The following CDH7 variants were observed in gnomAD, a reference collection of about 807,000 sequenced individuals.
The protein encoded by CDH7 is cadherin 7, also known as cadherin-7.
CDH7 carries 25 observed loss-of-function variants against 71.8 expected under a neutral mutation model. That is an observed-to-expected ratio of 0.35 (90% CI 0.25 to 0.49). The LOEUF (loss-of-function observed/expected upper bound fraction) is 0.49, where lower values mean the gene tolerates loss of function less well. Ranked by LOEUF, CDH7 falls within the 20% of genes least tolerant of loss-of-function variation. The pLI, the probability that CDH7 is intolerant of heterozygous loss-of-function variation, is 0.99. For synonymous variants in CDH7, 381 were observed against 363.8 expected (o/e 1.05, Z -0.54); for missense variants, 862 against 974.6 (o/e 0.88, Z 1.54).
intron 2 of CDH7, among the ~76,000 whole-genome samples, chr18:65,781,898 C>CTCTCTCTCTCTCTCTTTCTTTCTCTCTT (rs1431797468): frequency 1.7e-5 from 1 of 58,580 alleles, no homozygotes; most frequent in African/African-American, 1.0e-4. Context: ...CTCTCTTTCT[C>CTCTCTCTCTCTCTCTTTCTTTCTCTCTT]TCTATCTTTC....
rs968931060 is a variant in CDH7 at position 65,883,358 on chromosome 18, T to G, written c.*2464T>G. 2 of 152,040 alleles carry G rather than the reference T, an allele frequency of 1.3e-5. No homozygotes were observed. Among genetic ancestry groups the G allele is most frequent in the Non-Finnish European group, 2.9e-5 (2 of 67,946 alleles). 9.4% of individuals were successfully genotyped at this position (152,040 alleles called of 1,614,324 possible). ...GTAAATTTTTTGCCGTTGCTTATTT[T>G]AGTTTTCTTTTTTCTTCTGAAATCT... On this transcript the variant is annotated 3_prime_UTR_variant, in exon 12 of 12. Coordinates refer to ENST00000397968, the MANE Select transcript of CDH7 (RefSeq NM_004361.5).
intron 6 of CDH7, among the ~76,000 whole-genome samples, chr18:65,842,510 G>A (rs1044926010): frequency 1.3e-5 from 2 of 151,524 alleles, no homozygotes; most frequent in Non-Finnish European, 2.9e-5. Flanking sequence ...TATATATAAT[G>A]TGTATATGTG....
At chr18:65,799,599 C>T (rs141605707) in intron 2 of CDH7, among the ~76,000 whole-genome samples, 1 of 151,988 alleles carries the variant, frequency 6.6e-6, no homozygotes, top group African/African-American at 2.4e-5. Context: ...TGACGTGAAC[C>T]CAGGAGGCGG....
intron 7 of CDH7, 70 bp downstream of exon 7, chr18:65,844,135 A>G (rs547714001): frequency 3.3e-5 from 43 of 1,297,930 alleles, no homozygotes; most frequent in Non-Finnish European, 4.2e-5. Flanking sequence ...CTCTTATTTT[A>G]CGCTCTGATG....
chr18:65,814,784 T>G (rs1171449935), intron 4 of CDH7, among the ~76,000 whole-genome samples, 180 bp downstream of exon 4: 1 of 152,188 alleles, frequency 6.6e-6, no homozygotes, highest in Non-Finnish European at 1.5e-5. Context: ...ATATTTTATT[T>G]TATTCATCAG....
In CDH7 at chr18:65,822,246, G is replaced by A. The variant is rs767686297; in HGVS notation, c.791G>A (p.Arg264Gln). 31 of 1,603,376 alleles carry A rather than the reference G, an allele frequency of 1.9e-5. No homozygotes were observed. Among genetic ancestry groups the A allele is most frequent in the East Asian group, 6.7e-5 (3 of 44,596 alleles). ...AACGATAATCCACCTCGCTTTCCTCGAAGTAAGTTGTTTTCTTAAGTGACA... is the reference window on the plus strand; with the variant it reads ...AACGATAATCCACCTCGCTTTCCTCAAAGTAAGTTGTTTTCTTAAGTGACA... ...DVNDNPPRFP[R>Q]RSYQYNVPES... Residue 264 changes from arginine (R) to glutamine (Q), a missense_variant and splice_region_variant, in exon 5 of 12, where the codon CGA (arginine) becomes CAA (glutamine). Physicochemically the swap from Arg to Gln is conservative, Grantham distance 43. Coordinates refer to ENST00000397968, the MANE Select transcript of CDH7 (RefSeq NM_004361.5).
Position 65,782,154 on chromosome 18 carries a change from C to CT in CDH7, c.210+19105dup, listed in dbSNP as rs1459610651. On this transcript the variant is annotated intron_variant, in intron 2 of 11. Coordinates refer to ENST00000397968, the MANE Select transcript of CDH7 (RefSeq NM_004361.5). ...TCTTTCTTTCTTTCTTTCTTTCTTT[C>CT]TTTCTTTCTTCCTTTCTTTCTTTCT... Among the ~76,000 whole-genome samples the CT allele has an allele frequency of 1.0e-4, 11 of 108,238 alleles. 2 individuals carry two copies. Among genetic ancestry groups the CT allele is most frequent in the African/African-American group, 4.6e-4 (10 of 21,662 alleles). 71.0% of individuals were successfully genotyped at this position (108,238 alleles called of 152,430 possible).
At chr18:65,775,464 AT>A (rs992536966) in intron 2 of CDH7, among the ~76,000 whole-genome samples, 7 of 152,302 alleles carry the variant, frequency 4.6e-5, no homozygotes, top group Admixed American at 1.3e-4. Flanking sequence ...AGTGGTACAT[AT>A]TTTTATTTTG....
chr18:65,807,339 C>G (rs1478351608), intron 2 of CDH7, among the ~76,000 whole-genome samples: 1 of 152,100 alleles, frequency 6.6e-6, no homozygotes, highest in Non-Finnish European at 1.5e-5. Context: ...TTTTGTCTCT[C>G]ATACTTGGAA....
chr18:65,884,135 T>A lies in CDH7; in HGVS notation c.*3241T>A, dbSNP rs577884791. ...ACACCCAAGCCCTTAATCTGAATTG[T>A]CACCATTGCATTATTAAAAATCAAC... On this transcript the variant is annotated 3_prime_UTR_variant, in exon 12 of 12. Transcript: ENST00000397968. 3 of 152,246 alleles carry A rather than the reference T, an allele frequency of 2.0e-5. No homozygotes were observed. In the South Asian group the frequency reaches 6.2e-4, roughly 32 times the overall value. 9.4% of individuals were successfully genotyped at this position (152,246 alleles called of 1,614,324 possible). A position where few individuals can be genotyped will look rare whatever the true frequency, so the allele number is the denominator to read the frequency against.
chr18:65,843,280 G>A (rs1912803149), intron 6 of CDH7, among the ~76,000 whole-genome samples: 1 of 152,114 alleles, frequency 6.6e-6, no homozygotes, highest in Non-Finnish European at 1.5e-5. Flanking sequence ...GCTTCATGGA[G>A]AAGAACTGGC....
At chr18:65,849,314 A>G (rs1267500331) in intron 7 of CDH7, among the ~76,000 whole-genome samples, 7 of 151,224 alleles carry the variant, frequency 4.6e-5, no homozygotes, top group Non-Finnish European at 1.0e-4. Flanking sequence ...TTTGCAGGAA[A>G]TGCCTAATTT....
intron 5 of CDH7, 91 bp from the exon 6 acceptor site, chr18:65,824,550 AGTT>A (rs1325114684): frequency 8.5e-6 from 6 of 705,670 alleles, no homozygotes; most frequent in South Asian, 3.5e-5. Context: ...AATAAAAAGA[AGTT>A]GTGCTACAAT....
At chr18:65,852,339 G>A (rs567240389) in intron 7 of CDH7, among the ~76,000 whole-genome samples, 6 of 152,232 alleles carry the variant, frequency 3.9e-5, no homozygotes, top group East Asian at 1.9e-4. Flanking sequence ...ATATGCTTGC[G>A]TTAGTTAGAA....
chr18:65,801,931 C>G (rs1043473637), intron 2 of CDH7, among the ~76,000 whole-genome samples: 5 of 152,154 alleles, frequency 3.3e-5, no homozygotes, highest in African/African-American at 1.2e-4. Flanking sequence ...TTTGCAAACA[C>G]CTTATGCTAT....
At chr18:65,821,342 G>A (rs1162622842) in intron 4 of CDH7, among the ~76,000 whole-genome samples, 1 of 151,842 alleles carries the variant, frequency 6.6e-6, no homozygotes, top group Non-Finnish European at 1.5e-5. Context: ...TTACCACCTG[G>A]ACCTAATTTG....
chr18:65,855,338 C>A (rs1913314141), intron 7 of CDH7, among the ~76,000 whole-genome samples: 2 of 125,994 alleles, frequency 1.6e-5, no homozygotes, highest in African/African-American at 2.6e-5. Context: ...AAACGTCTAC[C>A]AACATTGACA....
chr18:65,817,744 T>C (rs908228212), intron 4 of CDH7, among the ~76,000 whole-genome samples: 2 of 152,218 alleles, frequency 1.3e-5, no homozygotes, highest in African/African-American at 4.8e-5. Context: ...TTTGATTTAC[T>C]GATAAATGTC....
chr18:65,858,237 G>GC (rs1913434553), intron 8 of CDH7, among the ~76,000 whole-genome samples: 1 of 151,942 alleles, frequency 6.6e-6, no homozygotes, highest in South Asian at 2.1e-4. Flanking sequence ...TGTTTATGCT[G>GC]TTATGGAGTT....
Sources: gnomAD v4.1 joint callset for allele counts (sites outside exome capture counted in the v4.1 genomes callset) on GRCh38, gnomAD v4.1.1 for gene constraint, MANE v1.5 for transcripts, NCBI Gene and HGNC (gene_info 2026-07-23, HGNC 2026-07-21) for gene names.